SULF2: variants seen among roughly 807,000 people sequenced by gnomAD.
SULF2 encodes sulfatase 2, also known as extracellular sulfatase Sulf-2.
A neutral mutation model predicts 107.7 loss-of-function variants in SULF2; 52 were observed. That is an observed-to-expected ratio of 0.48 (90% CI 0.39 to 0.61). The LOEUF is 0.61. Among genes scored for constraint, SULF2 ranks in the 20% least tolerant of loss-of-function variants. The probability of loss-of-function intolerance (pLI) is 0.00; values close to 1 mark genes in which losing one functional copy is unlikely to be tolerated. For synonymous variants in SULF2, 460 were observed against 464.3 expected, an observed-to-expected ratio of 0.99 and a Z score of 0.12; for missense variants, 993 against 1,177.3, an observed-to-expected ratio of 0.84 and a Z score of 2.29.
At chr20:47,703,418 A>T (rs1372103551) in intron 3 of SULF2, among the ~76,000 whole-genome samples, 1 of 152,190 alleles carries the variant, frequency 6.6e-6, no homozygotes, top group African/African-American at 2.4e-5. Flanking sequence ...TGAAAACCAG[A>T]GTGTCACTTT....
chr20:47,662,696 T>A (rs2087116232), intron 17 of SULF2, among the ~76,000 whole-genome samples: 1 of 152,224 alleles, frequency 6.6e-6, no homozygotes, highest in Non-Finnish European at 1.5e-5. Flanking sequence ...AGTGTGTTAC[T>A]GTTATATTAG....
At position 47,665,267 on chromosome 20, in the gene SULF2, C is replaced by T; in HGVS notation, c.1929G>A (p.Lys643=). ...HEIETLQNKI[K]NLREVRGHLK... ...GGTGACCTCGGACTTCCCTCAGGTT[C>T]TTAATTTTGTTCTGCAGGGTTTCAA... The change falls in exon 14 of 21, where the codon AAG becomes AAA. Residue 643 remains lysine, a synonymous_variant. Coordinates refer to ENST00000688720, the MANE Select transcript of SULF2 (RefSeq NM_001387048.1). 1 of 1,612,998 alleles carries T rather than the reference C, an allele frequency of 6.2e-7. No homozygotes were observed. The highest frequency in any genetic ancestry group is 8.5e-7 in the Non-Finnish European group (1 of 1,179,408).
intron 3 of SULF2, among the ~76,000 whole-genome samples, chr20:47,731,114 C>T (rs545509131): frequency 5.9e-5 from 9 of 151,894 alleles, no homozygotes; most frequent in African/African-American, 9.7e-5. Context: ...TCCAGACCTC[C>T]AGCCTCGTGA....
At position 47,725,883 on chromosome 20, in the gene SULF2, G is replaced by C. The variant is rs73313997; in HGVS notation, c.415+10820C>G. ...CATTTGCTCAAATCCCCTGCGACAC[G>C]GATGGATTCCCAAAGGACTCGCTGT... On this transcript the variant is annotated intron_variant, in intron 3 of 20. Coordinates refer to ENST00000688720, the MANE Select transcript of SULF2 (RefSeq NM_001387048.1). Among the ~76,000 whole-genome samples, 876 of 152,310 alleles carry C rather than the reference G, an allele frequency of 5.8e-3. 10 individuals carry two copies. Among genetic ancestry groups the C allele is most frequent in the African/African-American group, 0.02 (815 of 41,574 alleles).
chr20:47,680,974 C>T lies in SULF2; in HGVS notation c.1064+2020G>A, dbSNP rs2087806302. ...CAAGGGTTTCTGTCACCTCTGGCTA[C>T]AGTGAATGGTTCAGGGAAGGACACG... On this transcript the variant is annotated intron_variant, in intron 7 of 20. Coordinates refer to ENST00000688720, the MANE Select transcript of SULF2 (RefSeq NM_001387048.1). The surrounding 1 kb of genome is among the most constrained non-coding windows in gnomAD (Gnocchi z 4.2). Among the ~76,000 whole-genome samples, 1 of 152,214 alleles carries T rather than the reference C, an allele frequency of 6.6e-6. No individual in the cohort carries two copies. Among genetic ancestry groups the T allele is most frequent in the African/African-American group, 2.4e-5 (1 of 41,450 alleles).
intron 11 of SULF2, among the ~76,000 whole-genome samples, chr20:47,668,523 C>G (rs930959217): frequency 6.6e-6 from 1 of 152,222 alleles, no homozygotes. Context: ...GACTTCATAA[C>G]CCGGCGGCCA....
intron 7 of SULF2, among the ~76,000 whole-genome samples, chr20:47,679,148 C>T (rs2087746009): frequency 6.6e-6 from 1 of 152,116 alleles, no homozygotes; most frequent in Non-Finnish European, 1.5e-5. Flanking sequence ...TGAACCCTTC[C>T]CCTGAACCTC....
At chr20:47,681,498 CA>C (rs1195579862) in intron 7 of SULF2, among the ~76,000 whole-genome samples, 1 of 152,090 alleles carries the variant, frequency 6.6e-6, no homozygotes, top group East Asian at 1.9e-4. Flanking sequence ...TCTTTCTGTT[CA>C]CAGGGATGGT....
intron 3 of SULF2, among the ~76,000 whole-genome samples, chr20:47,736,245 G>A (rs2089726595): frequency 6.6e-6 from 1 of 152,106 alleles, no homozygotes; most frequent in African/African-American, 2.4e-5. Flanking sequence ...CACCACCTTG[G>A]TTACTGCCAC....
At chr20:47,767,151 GA>G (rs1398864306) in intron 1 of SULF2, among the ~76,000 whole-genome samples, 5 of 152,188 alleles carry the variant, frequency 3.3e-5, no homozygotes, top group Non-Finnish European at 7.4e-5. Flanking sequence ...GCAAGTGTCT[GA>G]ACCTCTTGTC....
Position 47,678,837 on chromosome 20 carries a change from C to T in SULF2, c.1065-33G>A. 1.2e-6 allele frequency: 2 copies of T among 1,605,500 alleles called. No individual in the cohort carries two copies. The highest frequency in any genetic ancestry group is 1.7e-6 in the Non-Finnish European group (2 of 1,174,866). On this transcript the variant is annotated intron_variant, in intron 7 of 20. Coordinates refer to ENST00000688720, the MANE Select transcript of SULF2 (RefSeq NM_001387048.1). This position sits in a 1 kb window ranked among gnomAD's most constrained non-coding sequence, Gnocchi z 4.5. ...AGGCAGGAGATCGGGGACTCAGTCA[C>T]TCAGGTGGTGGTGCCTCAGCCTCGC...
chr20:47,768,135 C>G (rs542017812), intron 1 of SULF2, among the ~76,000 whole-genome samples: 14 of 152,290 alleles, frequency 9.2e-5, no homozygotes, highest in African/African-American at 3.4e-4. Flanking sequence ...CTAACTCACT[C>G]CATGTGGTTC....
chr20:47,745,401 AAAAAAAAAAATATATATATAT>A lies in SULF2; in HGVS notation c.176-8480_176-8460del, dbSNP rs1568892351. Among the ~76,000 whole-genome samples, 12 of 38,766 alleles carry A rather than the reference AAAAAAAAAAATATATATATAT, an allele frequency of 3.1e-4. 2 individuals are homozygous for A. In the South Asian group the frequency reaches 0.012, roughly 37 times the overall value. The allele number at this position is 38,766 out of a possible 152,430, so 25.4% of individuals were successfully genotyped here. On this transcript the variant is annotated intron_variant, in intron 2 of 20. Transcript: ENST00000688720. ...TTGAGGGAAAAAAAAAAAAAAAAAA[AAAAAAAAAAATATATATATAT>A]ATATATATATATATATATATATATA...
chr20:47,756,891 C>CT (rs1199426467), intron 2 of SULF2, among the ~76,000 whole-genome samples: 1 of 152,218 alleles, frequency 6.6e-6, no homozygotes, highest in African/African-American at 2.4e-5. Context: ...GGTGATCCAC[C>CT]TGCCTCGGCC....
At chr20:47,730,409 A>C (rs115435676) in intron 3 of SULF2, among the ~76,000 whole-genome samples, 2 of 152,230 alleles carry the variant, frequency 1.3e-5, no homozygotes. Context: ...ATGGCACTCC[A>C]ATCTAGTTCA....
chr20:47,743,956 A>G (rs2089948656), intron 2 of SULF2, among the ~76,000 whole-genome samples: 1 of 152,116 alleles, frequency 6.6e-6, no homozygotes, highest in African/African-American at 2.4e-5. Context: ...CTTTCTCTGG[A>G]CTGTGCTGAT....
At position 47,661,793 on chromosome 20, in the gene SULF2, CG is replaced by C; in HGVS notation, c.2473del (p.Arg825GlyfsTer29). The C allele has an allele frequency of 1.3e-6, 2 of 1,560,160 alleles. No homozygotes were observed. The highest frequency in any genetic ancestry group is 1.8e-6 in the Non-Finnish European group (2 of 1,142,656). The part of the protein sequence containing the change: ...SCKGYKQCNP[R>X]TRNMDLGLKD... ...CTCACCCAGGTCCATGTTTCGAGTC[CG>C]GGGGTTACACTGCTTGTAACCCTTG... is the stretch of plus-strand genomic sequence containing the variant. On this transcript the variant is annotated frameshift_variant, in exon 18 of 21. Transcript: ENST00000688720. LOFTEE classifies it high-confidence loss of function.
intron 16 of SULF2, 55 bp downstream of exon 16, chr20:47,663,396 GAA>G: frequency 1.9e-6 from 3 of 1,598,866 alleles, no homozygotes; most frequent in Non-Finnish European, 2.5e-6. Context: ...ACTAAGTGGA[GAA>G]GTTTCTTGAA....
chr20:47,676,459 G>C (rs753691978), intron 10 of SULF2, 35 bp downstream of exon 10: 3 of 1,597,314 alleles, frequency 1.9e-6, no homozygotes, highest in South Asian at 2.2e-5. Flanking sequence ...GCAGTCAGGA[G>C]GGGGAGCCGT....
Sources: allele counts gnomAD v4.1 joint callset (sites outside exome capture counted in the v4.1 genomes callset), GRCh38; gene constraint gnomAD v4.1.1; non-coding constraint Gnocchi (gnomAD v3.1); transcripts MANE v1.5; gene names NCBI Gene and HGNC (gene_info 2026-07-23, HGNC 2026-07-21).